The following ROBO2 variants were observed in gnomAD, a reference collection of about 807,000 sequenced individuals.
ROBO2 encodes the protein roundabout guidance receptor 2, also known as roundabout homolog 2.
Under a neutral mutation model 160.8 loss-of-function variants are expected in ROBO2, and 53 were observed. That is an observed-to-expected ratio of 0.33 (90% CI 0.26 to 0.41). The LOEUF is 0.41. ROBO2 is among the 10% of genes least tolerant of loss of function. ROBO2 has a pLI of 1.00. For missense variants in ROBO2, 1,577 were observed against 1,722.4 expected, an observed-to-expected ratio of 0.92 and a Z score of 1.49; for synonymous variants, 664 against 611.7, an observed-to-expected ratio of 1.09 and a Z score of -1.26.
Position 77,473,342 on chromosome 3 carries a change from C to CCAGG in ROBO2, c.389-4072_389-4071insCAGG, listed in dbSNP as rs2083561500. On this transcript the variant is annotated intron_variant, in intron 2 of 25. Transcript: ENST00000461745. ...GAGCCTCCGTGTTGAATAGACTTGGCTTCCAGGTATCCCTTTCTATCGGCA... is the reference window on the plus strand; with the variant it reads ...GAGCCTCCGTGTTGAATAGACTTGGCCAGGTTCCAGGTATCCCTTTCTATCGGCA... Among the ~76,000 whole-genome samples the CCAGG allele has an allele frequency of 2.0e-5, 3 of 151,234 alleles. No individual in the cohort carries two copies. In the Admixed American group the frequency reaches 2.0e-4, roughly 10 times the overall value.
chr3:76,959,232 AC>A (rs1478950349), intron 2 of ROBO2, among the ~76,000 whole-genome samples: 5 of 152,206 alleles, frequency 3.3e-5, no homozygotes. Context: ...CATCAAAAAA[AC>A]AAAGTTTAAT....
At chr3:76,273,196 T>TA (rs1707699984) in intron 2 of ROBO2, among the ~76,000 whole-genome samples, 1 of 144,542 alleles carries the variant, frequency 6.9e-6, no homozygotes, top group East Asian at 2.0e-4. Context: ...GGATAAGTGT[T>TA]AGAGTTCTCC....
chr3:77,641,142 G>A (rs952431036), intron 24 of ROBO2, among the ~76,000 whole-genome samples: 8 of 152,198 alleles, frequency 5.3e-5, no homozygotes, highest in Admixed American at 3.9e-4. Flanking sequence ...AAACTCATTG[G>A]ATTATCCAAC....
At chr3:76,551,380 AGCTGTTCTGTT>A (rs1199387122) in intron 2 of ROBO2, among the ~76,000 whole-genome samples, 7 of 152,090 alleles carry the variant, frequency 4.6e-5, no homozygotes, top group African/African-American at 1.2e-4. Flanking sequence ...GTCTCCTGAG[AGCTGTTCTGTT>A]GCTCAATGAA....
intron 2 of ROBO2, among the ~76,000 whole-genome samples, chr3:77,168,479 G>T (rs1344739207): frequency 6.6e-6 from 1 of 152,038 alleles, no homozygotes; most frequent in Non-Finnish European, 1.5e-5. Context: ...TGAAATCTTG[G>T]TCTTCCTTTT....
chr3:77,416,198 A>G (rs2077206616), intron 2 of ROBO2, among the ~76,000 whole-genome samples: 1 of 152,164 alleles, frequency 6.6e-6, no homozygotes, highest in African/African-American at 2.4e-5. Flanking sequence ...GGGTATCCCA[A>G]TGTGTGCCTG....
In ROBO2 at chr3:76,867,788, C is replaced by A. The variant is rs139269468; in HGVS notation, c.110-230226C>A. Among the ~76,000 whole-genome samples, 586 of 152,202 alleles carry A rather than the reference C, an allele frequency of 3.9e-3. 1 individual carries two copies. Among genetic ancestry groups the A allele is most frequent in the Non-Finnish European group, 6.7e-3 (457 of 67,992 alleles). Reference sequence around the variant, plus strand: ...GGGGAAATTGAGCTCATTGCATGAGCCTTGGGAAAGGGAAAGGGAAAAGTG... The same window carrying A: ...GGGGAAATTGAGCTCATTGCATGAGACTTGGGAAAGGGAAAGGGAAAAGTG... On this transcript the variant is annotated intron_variant, in intron 2 of 26. Transcript: ENST00000487694.
intron 2 of ROBO2, among the ~76,000 whole-genome samples, chr3:76,060,119 TA>T (rs1197748210): frequency 1.4e-5 from 2 of 144,760 alleles, no homozygotes; most frequent in Non-Finnish European, 3.0e-5. Context: ...TTTTTTTTTT[TA>T]AAGACAATGT....
intron 2 of ROBO2, among the ~76,000 whole-genome samples, chr3:76,363,345 T>A (rs2075632553): frequency 6.6e-6 from 1 of 152,058 alleles, no homozygotes; most frequent in Non-Finnish European, 1.5e-5. Context: ...TATAAGAAAT[T>A]AATGAATGAA....
intron 20 of ROBO2, among the ~76,000 whole-genome samples, chr3:77,604,578 A>G (rs2094491341): frequency 6.6e-6 from 1 of 152,174 alleles, no homozygotes; most frequent in Non-Finnish European, 1.5e-5. Flanking sequence ...TCTATGAATT[A>G]TATTAACTAC....
At chr3:76,121,185 C>T (rs758306697) in intron 2 of ROBO2, among the ~76,000 whole-genome samples, 3 of 152,100 alleles carry the variant, frequency 2.0e-5, no homozygotes, top group Non-Finnish European at 2.9e-5. Flanking sequence ...AGCAATTTCA[C>T]AATCAGTCGA....
chr3:76,398,616 A>G (rs1169495103), intron 2 of ROBO2, among the ~76,000 whole-genome samples: 1 of 151,682 alleles, frequency 6.6e-6, no homozygotes, highest in Admixed American at 6.6e-5. Flanking sequence ...TCTAGGCAGT[A>G]TACACTAAAC....
intron 2 of ROBO2, among the ~76,000 whole-genome samples, chr3:76,610,743 G>A (rs2088041809): frequency 6.6e-6 from 1 of 151,940 alleles, no homozygotes; most frequent in South Asian, 2.1e-4. Context: ...GCGAGCAGGA[G>A]CATGTCACAG....
At chr3:76,046,318 A>T (rs2067445280) in intron 2 of ROBO2, among the ~76,000 whole-genome samples, 2 of 151,922 alleles carry the variant, frequency 1.3e-5, no homozygotes, top group South Asian at 4.1e-4. Context: ...CTGCCATGTA[A>T]TCTAAAATCT....
chr3:76,545,653 CA>C (rs1253626098), intron 2 of ROBO2, among the ~76,000 whole-genome samples: 1 of 151,932 alleles, frequency 6.6e-6, no homozygotes, highest in African/African-American at 2.4e-5. Context: ...TTTCTATCAT[CA>C]TAAACTGAAA....
intron 2 of ROBO2, among the ~76,000 whole-genome samples, chr3:76,673,166 A>C (rs1025490486): frequency 6.6e-6 from 1 of 152,210 alleles, no homozygotes; most frequent in Non-Finnish European, 1.5e-5. Flanking sequence ...CTAAAACAGT[A>C]AACGGTTCAT....
chr3:76,399,702 A>T (rs189058795), intron 2 of ROBO2, among the ~76,000 whole-genome samples: 2 of 151,868 alleles, frequency 1.3e-5, no homozygotes, highest in African/African-American at 2.4e-5. Context: ...GGCTTTGCCA[A>T]AGAATAAGGG....
At chr3:76,790,041 T>A (rs1046903557) in intron 2 of ROBO2, among the ~76,000 whole-genome samples, 1 of 151,692 alleles carries the variant, frequency 6.6e-6, no homozygotes, top group Non-Finnish European at 1.5e-5. Context: ...TATGATTGAA[T>A]TTTTATTTTG....
chr3:75,937,693 C>A, intron 2 of ROBO2: 1 of 729,108 alleles, frequency 1.4e-6, no homozygotes, highest in Non-Finnish European at 2.1e-6. Flanking sequence ...GACGTTTAAG[C>A]AATTTGTTGT....
Sources: allele counts gnomAD v4.1 joint callset (sites outside exome capture counted in the v4.1 genomes callset), GRCh38; gene constraint gnomAD v4.1.1; transcripts MANE v1.5; gene names NCBI Gene and HGNC (gene_info 2026-07-23, HGNC 2026-07-21).